BMP5: variants seen among roughly 807,000 people sequenced by gnomAD.
The protein encoded by BMP5 is bone morphogenetic protein 5.
In BMP5, 23 loss-of-function variants were observed where a neutral mutation model predicts 46.6. The observed-to-expected ratio is 0.49, with a 90% CI of 0.35 to 0.70. BMP5 has a LOEUF of 0.70. BMP5 is among the 30% of genes least tolerant of loss of function. The pLI, the probability that BMP5 is intolerant of heterozygous loss-of-function variation, is 0.00. For synonymous variants in BMP5, 204 were observed against 191.9 expected, an observed-to-expected ratio of 1.06 and a Z score of -0.52; for missense variants, 545 against 565.6, an observed-to-expected ratio of 0.96 and a Z score of 0.37.
intron 2 of BMP5, among the ~76,000 whole-genome samples, chr6:55,803,345 G>T (rs956391480): frequency 1.3e-5 from 2 of 151,810 alleles, no homozygotes; most frequent in African/African-American, 4.8e-5. Context: ...GTTATGAATG[G>T]GTATAAAAGA....
rs74409139 is a variant in BMP5 at position 55,832,962 on chromosome 6, A to C, written c.491-13115T>G. On this transcript the variant is annotated intron_variant, in intron 1 of 6. Transcript: ENST00000370830. ...CCTGTCTCTACAAAAATTTAAAAAA[A>C]AAAATTATTGGGGAATGGTGGCACA... Among the ~76,000 whole-genome samples, 885 of 152,124 alleles carry C rather than the reference A, an allele frequency of 5.8e-3. 5 individuals carry two copies. The highest frequency in any genetic ancestry group is 0.021 in the African/African-American group (852 of 41,508).
intron 1 of BMP5, among the ~76,000 whole-genome samples, chr6:55,868,599 T>C (rs762413787): frequency 9.8e-5 from 15 of 152,336 alleles, no homozygotes; most frequent in Non-Finnish European, 1.9e-4. Context: ...TTTTAAACAT[T>C]GTACATTTTC....
intron 4 of BMP5, among the ~76,000 whole-genome samples, chr6:55,769,298 A>C (rs1394532027): frequency 1.3e-5 from 2 of 151,962 alleles, no homozygotes; most frequent in African/African-American, 4.8e-5. Flanking sequence ...CTAGTAAATA[A>C]ACTTATTTAA....
intron 3 of BMP5, among the ~76,000 whole-genome samples, chr6:55,782,005 C>T (rs773926592): frequency 9.9e-5 from 15 of 151,722 alleles, no homozygotes; most frequent in Non-Finnish European, 1.9e-4. Context: ...ATAAATTATT[C>T]GGCACCTAAT....
intron 1 of BMP5, among the ~76,000 whole-genome samples, chr6:55,837,834 A>G (rs1776855623): frequency 6.6e-6 from 1 of 152,156 alleles, no homozygotes; most frequent in Admixed American, 6.6e-5. Flanking sequence ...GCCTCTGGTA[A>G]CCATCTTTCT....
rs1176074668 is a variant in BMP5 at position 55,831,816 on chromosome 6, C to T, written c.491-11969G>A. 3.3e-5 allele frequency among the ~76,000 whole-genome samples: 5 copies of T among 152,034 alleles called. No individual in the cohort carries two copies. In the East Asian group the frequency reaches 5.8e-4, roughly 18 times the overall value. On this transcript the variant is annotated intron_variant, in intron 1 of 6. Coordinates refer to ENST00000370830, the MANE Select transcript of BMP5 (RefSeq NM_021073.4). ...CTCAGTGGACACACATCGTTGTGAACATTTAGAACACTGGAGGCGAACAGA... is the reference window on the plus strand; with the variant it reads ...CTCAGTGGACACACATCGTTGTGAATATTTAGAACACTGGAGGCGAACAGA...
intron 5 of BMP5, among the ~76,000 whole-genome samples, chr6:55,760,146 T>C (rs1415954026): frequency 1.3e-5 from 2 of 151,968 alleles, no homozygotes; most frequent in Non-Finnish European, 2.9e-5. Context: ...TATGAACAAA[T>C]CTTCTATTTA....
At chr6:55,868,953 A>G (rs1777714767) in intron 1 of BMP5, among the ~76,000 whole-genome samples, 1 of 152,240 alleles carries the variant, frequency 6.6e-6, no homozygotes, top group Non-Finnish European at 1.5e-5. Context: ...CCAATAAAAT[A>G]TGAACTTAAG....
chr6:55,845,908 C>T (rs1268551404), intron 1 of BMP5, among the ~76,000 whole-genome samples: 1 of 151,980 alleles, frequency 6.6e-6, no homozygotes, highest in Non-Finnish European at 1.5e-5. Context: ...CTTCTCCATC[C>T]TGATCCTACT....
chr6:55,821,562 A>G (rs536756221), intron 1 of BMP5, among the ~76,000 whole-genome samples: 1 of 152,256 alleles, frequency 6.6e-6, no homozygotes, highest in African/African-American at 2.4e-5. Flanking sequence ...ACCACCTCAC[A>G]TGATTCATAA....
intron 1 of BMP5, among the ~76,000 whole-genome samples, chr6:55,864,654 TA>T (rs1438432057): frequency 2.0e-5 from 3 of 152,180 alleles, no homozygotes; most frequent in Non-Finnish European, 4.4e-5. Context: ...ATTAATGACT[TA>T]TCTTCCAGCA....
intron 2 of BMP5, among the ~76,000 whole-genome samples, chr6:55,815,871 C>T (rs1275628208): frequency 6.6e-6 from 1 of 151,846 alleles, no homozygotes; most frequent in Non-Finnish European, 1.5e-5. Flanking sequence ...TCATTTTTGT[C>T]ATGTGTTAAA....
chr6:55,870,234 G>A (rs1173754277), intron 1 of BMP5, among the ~76,000 whole-genome samples: 1 of 149,590 alleles, frequency 6.7e-6, no homozygotes, highest in Non-Finnish European at 1.5e-5. Flanking sequence ...ATTAAACTAT[G>A]ATTATAACTA....
intron 2 of BMP5, among the ~76,000 whole-genome samples, chr6:55,812,670 A>G (rs538082932): frequency 2.6e-5 from 4 of 152,198 alleles, no homozygotes; most frequent in Non-Finnish European, 4.4e-5. Flanking sequence ...TGAAAATACG[A>G]AGTAGATAAA....
chr6:55,823,561 C>A (rs770227410), intron 1 of BMP5, among the ~76,000 whole-genome samples: 10 of 151,892 alleles, frequency 6.6e-5, no homozygotes, highest in Non-Finnish European at 1.0e-4. Context: ...AACTTGTAAT[C>A]GAAAGATAAC....
intron 1 of BMP5, among the ~76,000 whole-genome samples, chr6:55,871,751 G>T (rs940350662): frequency 3.3e-5 from 5 of 151,586 alleles, no homozygotes; most frequent in Admixed American, 3.3e-4. Flanking sequence ...CAACACACAA[G>T]CATTTTTTAA....
rs9370470 is a variant in BMP5 at position 55,834,378 on chromosome 6, T to C, written c.491-14531A>G. ...ATAAAAGTAAATATTACTAATATTA[T>C]CTGCATTCGATTGATAAGCAAAACT... On this transcript the variant is annotated intron_variant, in intron 1 of 6. Coordinates refer to ENST00000370830, the MANE Select transcript of BMP5 (RefSeq NM_021073.4). Among the ~76,000 whole-genome samples the C allele has an allele frequency of 2.0e-5, 3 of 152,304 alleles. No individual in the cohort carries two copies. In the East Asian group the frequency reaches 5.8e-4, roughly 29 times the overall value.
At chr6:55,796,841 G>A (rs111377556) in intron 2 of BMP5, among the ~76,000 whole-genome samples, 91 of 152,132 alleles carry the variant, frequency 6.0e-4, no homozygotes, top group Middle Eastern at 3.4e-3. Flanking sequence ...TCTGAATTTC[G>A]GTGATGCAAA....
intron 2 of BMP5, among the ~76,000 whole-genome samples, chr6:55,801,509 T>C (rs1775848540): frequency 6.6e-6 from 1 of 152,192 alleles, no homozygotes; most frequent in East Asian, 1.9e-4. Flanking sequence ...TGTCCTTGTT[T>C]CCCCCAATGC....
Sources: gnomAD v4.1 joint callset for allele counts (sites outside exome capture counted in the v4.1 genomes callset) on GRCh38, gnomAD v4.1.1 for gene constraint, MANE v1.5 for transcripts, NCBI Gene and HGNC (gene_info 2026-07-23, HGNC 2026-07-21) for gene names.